The following ATP2B2 variants were observed in gnomAD, a reference collection of about 807,000 sequenced individuals.
The protein encoded by ATP2B2 is ATPase plasma membrane Ca2+ transporting 2, also known as plasma membrane calcium-transporting ATPase 2.
ATP2B2 carries 15 observed loss-of-function variants against 120.0 expected under a neutral mutation model. The observed-to-expected ratio is 0.12, with a 90% CI of 0.08 to 0.19. The LOEUF (loss-of-function observed/expected upper bound fraction) is 0.19, where lower values mean the gene tolerates loss of function less well. Among genes scored for constraint, ATP2B2 ranks in the 10% least tolerant of loss-of-function variants. The probability of loss-of-function intolerance (pLI) is 1.00; values close to 1 mark genes in which losing one functional copy is unlikely to be tolerated. For missense variants in ATP2B2, 1,045 were observed against 1,719.8 expected, an observed-to-expected ratio of 0.61 and a Z score of 6.94; for synonymous variants, 694 against 700.3, an observed-to-expected ratio of 0.99 and a Z score of 0.14.
chr3:10,571,786 A>C (rs987081112), intron 2 of ATP2B2, among the ~76,000 whole-genome samples: 9 of 152,244 alleles, frequency 5.9e-5, no homozygotes, highest in African/African-American at 2.2e-4. Context: ...CTCAGCACCC[A>C]GCAGTGTCCT....
chr3:10,642,110 A>C (rs913495455), intron 1 of ATP2B2, among the ~76,000 whole-genome samples: 3 of 152,140 alleles, frequency 2.0e-5, no homozygotes, highest in African/African-American at 7.2e-5. Context: ...AGTTAAGAGC[A>C]TGGACTCTGG....
At chr3:10,513,380 A>C (rs1396819441) in intron 3 of ATP2B2, among the ~76,000 whole-genome samples, 7 of 152,204 alleles carry the variant, frequency 4.6e-5, no homozygotes, top group South Asian at 4.2e-4. Flanking sequence ...GGCTGGGGGA[A>C]AGTGTGGGCA....
chr3:10,704,200 T>C (rs755101888), intron 1 of ATP2B2, among the ~76,000 whole-genome samples: 1 of 152,196 alleles, frequency 6.6e-6, no homozygotes, highest in African/African-American at 2.4e-5. Flanking sequence ...CATAACTGAA[T>C]AATAATAAAA....
chr3:10,475,700 ACT>A lies in ATP2B2; in HGVS notation c.-319-25840_-319-25839del, dbSNP rs140082327. Reference sequence around the variant, plus strand: ...CCATTTTATAGACAGGGAAACTGAGACTCAGAAAGAAAGGCTCAGAGGACAGA... The same window carrying A: ...CCATTTTATAGACAGGGAAACTGAGACAGAAAGAAAGGCTCAGAGGACAGA... On this transcript the variant is annotated intron_variant, in intron 1 of 22. Transcript: ENST00000360273. 9.3e-4 allele frequency among the ~76,000 whole-genome samples: 141 copies of A among 152,316 alleles called. No individual in the cohort carries two copies. The East Asian group carries it at 0.022, about 24-fold the overall frequency.
At chr3:10,410,850 C>T in intron 2 of ATP2B2, 35 bp from the exon 3 acceptor site, 1 of 1,606,450 alleles carries the variant, frequency 6.2e-7, no homozygotes, top group Non-Finnish European at 8.5e-7. Context: ...GGCTGGGGGC[C>T]TGGGAGAGAT....
Position 10,385,729 on chromosome 3 carries a change from C to T in ATP2B2, c.941-402G>A, listed in dbSNP as rs556976519. Among the ~76,000 whole-genome samples, 15 of 152,316 alleles carry T rather than the reference C, an allele frequency of 9.8e-5. No homozygotes were observed. In the South Asian group the frequency reaches 3.1e-3, roughly 32 times the overall value. On this transcript the variant is annotated intron_variant, in intron 7 of 22. Transcript: ENST00000360273. ...GAAAAATATTCACTAGGCAGTGCAG[C>T]GTGGGCACGGACCACTCAGAATGAG...
intron 2 of ATP2B2, among the ~76,000 whole-genome samples, chr3:10,437,492 ACT>A (rs2063514374): frequency 6.6e-6 from 1 of 151,958 alleles, no homozygotes; most frequent in Admixed American, 6.6e-5. Flanking sequence ...CTGCCTCTTA[ACT>A]CTCTCACCAC....
chr3:10,636,684 AG>A (rs2070030873), intron 1 of ATP2B2, among the ~76,000 whole-genome samples: 5 of 152,224 alleles, frequency 3.3e-5, no homozygotes, highest in Admixed American at 3.3e-4. Flanking sequence ...AAAACAAAAT[AG>A]GTAAGTCAGT....
chr3:10,474,253 G>A (rs976833690), intron 1 of ATP2B2, among the ~76,000 whole-genome samples: 5 of 152,132 alleles, frequency 3.3e-5, no homozygotes, highest in African/African-American at 9.7e-5. Context: ...GGGTGGAGAA[G>A]GTTGGGTAGG....
At chr3:10,646,561 T>C (rs1575589318) in intron 1 of ATP2B2, among the ~76,000 whole-genome samples, 1 of 152,112 alleles carries the variant, frequency 6.6e-6, no homozygotes, top group Admixed American at 6.6e-5. Flanking sequence ...CTCTTAAGAA[T>C]GGGGGCCTCT....
chr3:10,560,827 C>G (rs1438031237), intron 2 of ATP2B2, among the ~76,000 whole-genome samples: 1 of 152,096 alleles, frequency 6.6e-6, no homozygotes, highest in Non-Finnish European at 1.5e-5. Context: ...AAATCCAAAC[C>G]CCACACCTCT....
Position 10,522,108 on chromosome 3 carries a change from AATTTTT to A in ATP2B2, c.-320+11925_-320+11930del, listed in dbSNP as rs1374921655. Among the ~76,000 whole-genome samples the A allele has an allele frequency of 7.2e-5, 11 of 152,220 alleles. No homozygotes were observed. The East Asian group carries it at 2.1e-3, about 29-fold the overall frequency. The stretch of plus-strand genomic sequence containing the variant: ...CAAGGCAGAAAGGAAAATGAATGTA[AATTTTT>A]ATTTTTAAAAATGTATGCTGTGTAC... On this transcript the variant is annotated intron_variant, in intron 3 of 21. Transcript: ENST00000646379.
At chr3:10,505,836 G>T (rs1156308677), upstream of ATP2B2, among the ~76,000 whole-genome samples, 1 of 151,344 alleles carries the variant, frequency 6.6e-6, no homozygotes, top group East Asian at 2.0e-4. Flanking sequence ...GCTGTTGTTT[G>T]CGGTTTTAAT....
In ATP2B2 at chr3:10,375,348, C is replaced by G; in HGVS notation, c.1416+82G>C. 1 of 1,294,130 alleles carries G rather than the reference C, an allele frequency of 7.7e-7. No individual in the cohort carries two copies. Among genetic ancestry groups the G allele is most frequent in the Non-Finnish European group, 1.1e-6 (1 of 904,102 alleles). 80.2% of individuals were successfully genotyped at this position (1,294,130 alleles called of 1,614,324 possible). On this transcript the variant is annotated intron_variant, in intron 11 of 22. Transcript: ENST00000360273. The surrounding 1 kb of genome is among the most constrained non-coding windows in gnomAD (Gnocchi z 4.2). ...GGGGCTTCTTCGTTCATCTCCCAAC[C>G]CCAGCACCAGCCCCAGTGATTCCCC...
intron 2 of ATP2B2, among the ~76,000 whole-genome samples, chr3:10,597,266 C>G (rs2068793327): frequency 6.7e-6 from 1 of 149,168 alleles, no homozygotes; most frequent in Admixed American, 6.6e-5. Context: ...CAGACACAGG[C>G]ACAGGCACAC....
At chr3:10,563,246 A>C (rs2067941762) in intron 2 of ATP2B2, among the ~76,000 whole-genome samples, 1 of 152,242 alleles carries the variant, frequency 6.6e-6, no homozygotes, top group African/African-American at 2.4e-5. Context: ...AGATGAGGAA[A>C]CTGAAGCCCA....
upstream of ATP2B2, among the ~76,000 whole-genome samples, chr3:10,508,607 G>A (rs1015017524): frequency 6.6e-6 from 1 of 152,262 alleles, no homozygotes; most frequent in African/African-American, 2.4e-5. Context: ...TCATTCTTGA[G>A]GGTGGAATCT....
intron 3 of ATP2B2, among the ~76,000 whole-genome samples, chr3:10,406,097 T>C (rs1215475919): frequency 6.6e-6 from 1 of 152,156 alleles, no homozygotes; most frequent in African/African-American, 2.4e-5. Context: ...GTGATGAGTA[T>C]GAGATAAGAC....
chr3:10,404,559 G>T (rs1412317906), intron 3 of ATP2B2, among the ~76,000 whole-genome samples: 3 of 152,242 alleles, frequency 2.0e-5, no homozygotes, highest in African/African-American at 7.2e-5. Flanking sequence ...TAAATGCTCA[G>T]TTAAAGCTGG....
Sources: allele counts gnomAD v4.1 joint callset (sites outside exome capture counted in the v4.1 genomes callset), GRCh38; gene constraint gnomAD v4.1.1; non-coding constraint Gnocchi (gnomAD v3.1); transcripts MANE v1.5; gene names NCBI Gene and HGNC (gene_info 2026-07-23, HGNC 2026-07-21).